ARHGAP11B: variants seen among roughly 807,000 people sequenced by gnomAD.
The protein encoded by ARHGAP11B is inactive Rho GTPase-activating protein 11B.
A neutral mutation model predicts 27.6 loss-of-function variants in ARHGAP11B; 14 were observed. The ratio of observed to expected loss-of-function variants is 0.51; its 90% CI spans 0.34 to 0.79. The LOEUF (loss-of-function observed/expected upper bound fraction) is 0.79. Ranked by LOEUF, ARHGAP11B falls within the 30% of genes least tolerant of loss-of-function variation. The probability of loss-of-function intolerance (pLI) is 0.02; values close to 1 mark genes in which losing one functional copy is unlikely to be tolerated. For missense variants in ARHGAP11B, 245 were observed against 320.1 expected (o/e 0.77, Z 1.79); for synonymous variants, 82 against 114.1 (o/e 0.72, Z 1.80).
At chr15:30,631,787 C>CTTTTTTTTTTTTTTTTTTTTT (rs765025486) in intron 2 of ARHGAP11B, among the ~76,000 whole-genome samples, 3 of 139,676 alleles carry the variant, frequency 2.1e-5, no homozygotes, top group Admixed American at 7.2e-5. Flanking sequence ...ACCTTTTGTT[C>CTTTTTTTTTTTTTTTTTTTTT]TTTTTTTTTT....
rs544376493 is a variant in ARHGAP11B at position 30,637,720 on chromosome 15, C to T, written c.*4-1026C>T. ...CTGCACTCCAGCCTGGGCAACATAGCGAGACTCCGTCTCAAAAATAAAAAT... is the reference window on the plus strand; with the variant it reads ...CTGCACTCCAGCCTGGGCAACATAGTGAGACTCCGTCTCAAAAATAAAAAT... On this transcript the variant is annotated intron_variant, in intron 6 of 10. Transcript: ENST00000428041. Among the ~76,000 whole-genome samples the T allele has an allele frequency of 1.4e-4, 21 of 151,646 alleles. 1 individual carries two copies. The highest frequency in any genetic ancestry group is 3.4e-3 in the Middle Eastern group (1 of 290).
intron 7 of ARHGAP11B, among the ~76,000 whole-genome samples, chr15:30,643,205 T>C (rs780907127): frequency 2.6e-5 from 4 of 152,054 alleles, no homozygotes; most frequent in African/African-American, 9.7e-5. Context: ...TAGTCTCATA[T>C]AATCTGTCCT....
In ARHGAP11B at chr15:30,639,973, T is replaced by A. The variant is rs1372225261; in HGVS notation, c.*78+1153T>A. On this transcript the variant is annotated intron_variant, in intron 7 of 10. Transcript: ENST00000428041. ...AAATAGACAGTGTTTCAATATAGAG[T>A]GTGTGTGTGTGTGTGTGTGTGTGTG... Among the ~76,000 whole-genome samples the A allele has an allele frequency of 3.5e-3, 179 of 51,666 alleles. 1 individual carries two copies. The highest frequency in any genetic ancestry group is 9.6e-3 in the African/African-American group (156 of 16,202). The allele number at this position is 51,666 out of a possible 152,430, so 33.9% of individuals were successfully genotyped here. A position where few individuals can be genotyped will look rare whatever the true frequency, so the allele number is the denominator to read the frequency against.
chr15:30,642,552 C>T lies in ARHGAP11B; in HGVS notation c.*79-2087C>T, dbSNP rs140063465. On this transcript the variant is annotated intron_variant, in intron 7 of 10. Coordinates refer to ENST00000428041, the Ensembl canonical transcript of ARHGAP11B. The stretch of plus-strand genomic sequence containing the variant: ...AATACTCAGATTCCAACTTGTTTGC[C>T]AATAGCTTATTTTTTATAATACCAT... Among the ~76,000 whole-genome samples the T allele has an allele frequency of 2.4e-3, 358 of 151,970 alleles. 2 individuals are homozygous for T. Among genetic ancestry groups the T allele is most frequent in the African/African-American group, 8.2e-3 (339 of 41,478 alleles).
chr15:30,632,565 T>G (rs1372536598), intron 2 of ARHGAP11B, among the ~76,000 whole-genome samples: 1 of 151,658 alleles, frequency 6.6e-6, no homozygotes, highest in Admixed American at 6.6e-5. Context: ...CTTCTGTAAA[T>G]AAGGCTGACA....
At chr15:30,647,450 T>C (rs2060357512) in intron 9 of ARHGAP11B, among the ~76,000 whole-genome samples, 1 of 151,928 alleles carries the variant, frequency 6.6e-6, no homozygotes, top group South Asian at 2.1e-4. Flanking sequence ...TTAGAGAATA[T>C]AAAGTGGTAG....
At chr15:30,636,860 C>T (rs1328446839) in intron 6 of ARHGAP11B, among the ~76,000 whole-genome samples, 1 of 152,084 alleles carries the variant, frequency 6.6e-6, no homozygotes, top group South Asian at 2.1e-4. Context: ...CAGAACTTCC[C>T]TCTTACAGGG....
At chr15:30,635,221 T>C in intron 5 of ARHGAP11B, 33 bp downstream of exon 5, 1 of 1,607,980 alleles carries the variant, frequency 6.2e-7, no homozygotes, top group South Asian at 1.1e-5. Flanking sequence ...TACAGACTCT[T>C]ATCGATTATG....
Position 30,629,098 on chromosome 15 carries a change from G to A in ARHGAP11B, c.130-1605G>A, listed in dbSNP as rs187774071. Among the ~76,000 whole-genome samples the A allele has an allele frequency of 2.0e-3, 303 of 152,116 alleles. 2 individuals carry two copies. Among genetic ancestry groups the A allele is most frequent in the African/African-American group, 7.0e-3 (289 of 41,496 alleles). ...CAAATATTTTTTGAATGCTTACTGT[G>A]TGTCAGACACTGATACAAGTGTTTT... On this transcript the variant is annotated intron_variant, in intron 1 of 10. Coordinates refer to ENST00000428041, the Ensembl canonical transcript of ARHGAP11B.
At chr15:30,626,468 A>G (rs2060207250) in exon 1 of ARHGAP11B, 1 of 279,856 alleles carries the variant, frequency 3.6e-6, no homozygotes, top group Non-Finnish European at 6.8e-6. Context: ...CGTTGGAAGT[A>G]GCAGGAAGTG....
At chr15:30,644,647 A>G (rs2060335519) in exon 8 of ARHGAP11B, 3 of 1,586,234 alleles carry the variant, frequency 1.9e-6, no homozygotes, top group Non-Finnish European at 1.7e-6. Context: ...AGATAATGAA[A>G]CAACCACCAT....
chr15:30,626,887 G>A, exon 1 of ARHGAP11B: 3 of 1,613,640 alleles, frequency 1.9e-6, no homozygotes, highest in Non-Finnish European at 2.5e-6. Flanking sequence ...TGGTATTAAG[G>A]TGAAGGGTGT....
intron 7 of ARHGAP11B, among the ~76,000 whole-genome samples, chr15:30,640,917 A>G (rs1413756588): frequency 1.3e-5 from 2 of 151,050 alleles, no homozygotes; most frequent in Non-Finnish European, 3.0e-5. Flanking sequence ...TTTTTTTTGA[A>G]TATTTAAAAG....
At chr15:30,630,715 G>C in exon 2 of ARHGAP11B, 1 of 1,608,034 alleles carries the variant, frequency 6.2e-7, no homozygotes, top group Non-Finnish European at 8.5e-7. Flanking sequence ...TAAAATATTT[G>C]GAGTACCTTT....
exon 3 of ARHGAP11B, chr15:30,633,506 T>G (rs2060258793): frequency 9.9e-6 from 16 of 1,611,928 alleles, no homozygotes; most frequent in Non-Finnish European, 1.4e-5. Context: ...TGTCGATGCT[T>G]GCACATCTTT....
At chr15:30,628,332 C>T (rs890368365) in intron 1 of ARHGAP11B, among the ~76,000 whole-genome samples, 2 of 151,948 alleles carry the variant, frequency 1.3e-5, no homozygotes, top group Non-Finnish European at 2.9e-5. Context: ...CCGCCCGCCT[C>T]GGCCTCCCAA....
At chr15:30,628,482 CTTGT>C (rs2060223732) in intron 1 of ARHGAP11B, among the ~76,000 whole-genome samples, 1 of 151,982 alleles carries the variant, frequency 6.6e-6, no homozygotes, top group South Asian at 2.1e-4. Flanking sequence ...ACTTGGGCTG[CTTGT>C]TTGATTTCCC....
At chr15:30,643,433 T>C (rs2060326893) in intron 7 of ARHGAP11B, among the ~76,000 whole-genome samples, 1 of 151,820 alleles carries the variant, frequency 6.6e-6, no homozygotes, top group Non-Finnish European at 1.5e-5. Flanking sequence ...GGCCTGCCAC[T>C]GCGCCTGGCT....
At position 30,637,392 on chromosome 15, in the gene ARHGAP11B, T is replaced by C. The variant is rs963136796; in HGVS notation, c.*4-1354T>C. 1.8e-4 allele frequency among the ~76,000 whole-genome samples: 27 copies of C among 152,108 alleles called. No homozygotes were observed. The South Asian group carries it at 1.9e-3, about 11-fold the overall frequency. On this transcript the variant is annotated intron_variant, in intron 6 of 10. Coordinates refer to ENST00000428041, the Ensembl canonical transcript of ARHGAP11B. ...CTACCATCTATAATCAGACAGTTTT[T>C]GTGTCATATAAGATTCTATCTCCAT...
Sources: gnomAD v4.1 joint callset for allele counts (sites outside exome capture counted in the v4.1 genomes callset) on GRCh38, gnomAD v4.1.1 for gene constraint, MANE v1.5 for transcripts, NCBI Gene and HGNC (gene_info 2026-07-23, HGNC 2026-07-21) for gene names.